AK9: variants seen among roughly 807,000 people sequenced by gnomAD.
AK9 encodes adenylate kinase 9.
In AK9, 191 loss-of-function variants were observed where a neutral mutation model predicts 239.6. That is an observed-to-expected ratio of 0.80 (90% confidence interval 0.71 to 0.90). AK9 has a LOEUF of 0.90. AK9 is among the 40% of genes least tolerant of loss of function. AK9 has a pLI of 0.00. For missense variants in AK9, 1,995 were observed against 2,214.7 expected (o/e 0.90, Z 1.99); for synonymous variants, 689 against 721.0 (o/e 0.96, Z 0.71).
chr6:109,506,535 T>A lies in AK9; in HGVS notation c.4641A>T (p.Pro1547=). 6.3e-7 allele frequency: 1 copy of A among 1,585,528 alleles called. No homozygotes were observed. The highest frequency in any genetic ancestry group is 8.6e-7 in the Non-Finnish European group (1 of 1,163,042). The change falls in exon 35 of 41, where the codon CCA becomes CCT. Residue 1547 remains proline (P), a synonymous_variant. Transcript: ENST00000424296. ...EKENEQRLPY[P]LHNSAQIVAV... is the part of the protein sequence containing the mutation. ...CTACAATTTGTGCACTATTGTGCAA[T>A]GGATAAGGCAATCTAATAGGGAAAC...
rs1321404038 is a variant in AK9 at position 109,515,988 on chromosome 6, G to A, written c.3934C>T (p.Leu1312=). Residue 1312 remains leucine (L), a synonymous_variant, in exon 31 of 41, where the codon CTG becomes TTG. Transcript: ENST00000424296. ...HIVQYTLNMK[L]KPLVENRASI... ...GCACGATTTTCCACCAGTGGTTTCAGTTTCATATTCAATGTATATTGTACA... is the reference window on the plus strand; with the variant it reads ...GCACGATTTTCCACCAGTGGTTTCAATTTCATATTCAATGTATATTGTACA... 1 of 1,551,276 alleles carries A rather than the reference G, an allele frequency of 6.4e-7. No individual in the cohort carries two copies.
At chr6:109,571,828 A>G (rs962058035) in intron 21 of AK9, among the ~76,000 whole-genome samples, 1 of 152,174 alleles carries the variant, frequency 6.6e-6, no homozygotes, top group African/African-American at 2.4e-5. Context: ...CAGGTATGCT[A>G]CTGTGCTTTT....
chr6:109,639,445 G>A (rs1160021554), intron 10 of AK9, among the ~76,000 whole-genome samples: 1 of 152,214 alleles, frequency 6.6e-6, no homozygotes, highest in Non-Finnish European at 1.5e-5. Flanking sequence ...CTGCATAAAT[G>A]TCTTCTTTTG....
intron 7 of AK9, 118 bp from the exon 8 acceptor site, chr6:109,657,002 G>A (rs2128312060): frequency 8.7e-7 from 1 of 1,151,638 alleles, no homozygotes; most frequent in Non-Finnish European, 1.2e-6. Flanking sequence ...AGGGGGAGGG[G>A]ACGATTAAAG....
chr6:109,509,938 C>T (rs529791174), intron 32 of AK9, among the ~76,000 whole-genome samples: 10 of 152,214 alleles, frequency 6.6e-5, no homozygotes, highest in Middle Eastern at 3.4e-3. Flanking sequence ...CCCCTGCAGG[C>T]TCAGGGGTGT....
At chr6:109,514,500 C>G in intron 31 of AK9, 63 bp from the exon 32 acceptor site, 1 of 1,343,962 alleles carries the variant, frequency 7.4e-7, no homozygotes, top group Non-Finnish European at 1.0e-6. Flanking sequence ...TTCCCTGAAA[C>G]ATATTTGAAA....
At chr6:109,552,467 C>T (rs1327557385) in intron 24 of AK9, among the ~76,000 whole-genome samples, 1 of 152,006 alleles carries the variant, frequency 6.6e-6, no homozygotes, top group African/African-American at 2.4e-5. Context: ...TGATGTTGAG[C>T]TTTTTTCATG....
In AK9 at chr6:109,582,186, G is replaced by A. The variant is rs188622194; in HGVS notation, c.2115-2560C>T. On this transcript the variant is annotated intron_variant, in intron 19 of 40. Coordinates refer to ENST00000424296, the MANE Select transcript of AK9 (RefSeq NM_001145128.3). ...AAGGAGAATGAATGTTTTCATGCCT[G>A]CTAATGCAACATCCATAACGCAGCC... Among the ~76,000 whole-genome samples the A allele has an allele frequency of 2.1e-3, 324 of 152,326 alleles. 1 individual carries two copies. Among genetic ancestry groups the A allele is most frequent in the Non-Finnish European group, 3.7e-3 (250 of 68,024 alleles).
Position 109,497,458 on chromosome 6 carries a change from G to T in AK9, c.5315+7C>A. 6.5e-7 allele frequency: 1 copy of T among 1,536,034 alleles called. No individual in the cohort carries two copies. Among genetic ancestry groups the T allele is most frequent in the Non-Finnish European group, 9.0e-7 (1 of 1,111,430 alleles). On this transcript the variant is annotated splice_region_variant and intron_variant, in intron 38 of 40. Transcript: ENST00000424296. ...TTCAGTAAATATTTGTGATTTAATG[G>T]TCTCACCTCAAAAATTTCTGGAGTT...
chr6:109,646,189 C>T (rs1403811103), intron 8 of AK9, among the ~76,000 whole-genome samples: 1 of 152,176 alleles, frequency 6.6e-6, no homozygotes, highest in East Asian at 1.9e-4. Flanking sequence ...CTCTAATCCT[C>T]CAAAGGATTG....
At chr6:109,661,773 C>A (rs1433019834) in intron 6 of AK9, among the ~76,000 whole-genome samples, 1 of 152,134 alleles carries the variant, frequency 6.6e-6, no homozygotes, top group Non-Finnish European at 1.5e-5. Flanking sequence ...TAAACCCTGG[C>A]CGAGTATGGA....
intron 7 of AK9, 147 bp downstream of exon 7, chr6:109,659,081 A>G: frequency 8.9e-7 from 1 of 1,122,718 alleles, no homozygotes; most frequent in South Asian, 2.2e-5. Flanking sequence ...AAAACATGAA[A>G]GATTTTTGCT....
In AK9 at chr6:109,545,926, G is replaced by A. The variant is rs769303709; in HGVS notation, c.3166C>T (p.Leu1056Phe). The A allele has an allele frequency of 6.2e-7, 1 of 1,614,040 alleles. No homozygotes were observed. The highest frequency in any genetic ancestry group is 8.5e-7 in the Non-Finnish European group (1 of 1,179,998). ...TTGGCCTGAATTGCAAGCTCTTCAA[G>A]TTCTTGTTTGGCAGCTTGCTCGTTC... ...SENEQAAKQE[L>F]EELAIQANVK... Residue 1056 changes from leucine to phenylalanine, a missense_variant, in exon 26 of 41, where the codon CTT becomes TTT. By Grantham distance (22) the Leu-to-Phe change is conservative (BLOSUM62 0). Around this residue, in one of 5 missense-constraint regions of AK9, gnomAD observed 1,290 missense variants for 1,392.7 expected, o/e 0.93. Transcript: ENST00000424296.
At chr6:109,511,631 A>T (rs533873090) in intron 32 of AK9, among the ~76,000 whole-genome samples, 1 of 152,262 alleles carries the variant, frequency 6.6e-6, no homozygotes, top group Admixed American at 6.5e-5. Flanking sequence ...TGGAGATAGC[A>T]GTGGGTGGAG....
At chr6:109,688,669 C>T (rs1274898744) in intron 1 of AK9, among the ~76,000 whole-genome samples, 2 of 152,146 alleles carry the variant, frequency 1.3e-5, no homozygotes, top group Non-Finnish European at 2.9e-5. Flanking sequence ...GAAATTTGCA[C>T]CTCACTTCTG....
chr6:109,500,277 A>C (rs1031878700), intron 35 of AK9, among the ~76,000 whole-genome samples: 2 of 152,186 alleles, frequency 1.3e-5, no homozygotes, highest in African/African-American at 4.8e-5. Context: ...AGATTTTAAA[A>C]AGAAAGTGCC....
intron 1 of AK9, among the ~76,000 whole-genome samples, chr6:109,680,663 C>T (rs969600014): frequency 6.6e-6 from 1 of 152,052 alleles, no homozygotes; most frequent in Non-Finnish European, 1.5e-5. Flanking sequence ...TCAGATTCAC[C>T]AAGGTTGAAA....
Position 109,641,500 on chromosome 6 carries a change from C to G in AK9, c.933+18G>C, listed in dbSNP as rs1706621278. ...ATATATTGAAAATTAGACTTTCAGA[C>G]AGTTCCATATAACTTACATTTTCCA... On this transcript the variant is annotated intron_variant, in intron 10 of 40. Transcript: ENST00000424296. The G allele has an allele frequency of 1.3e-6, 2 of 1,591,882 alleles. No homozygotes were observed. Among genetic ancestry groups the G allele is most frequent in the African/African-American group, 1.3e-5 (1 of 74,442 alleles).
At chr6:109,570,182 A>G (rs1466560376) in intron 21 of AK9, among the ~76,000 whole-genome samples, 1 of 152,164 alleles carries the variant, frequency 6.6e-6, no homozygotes, top group African/African-American at 2.4e-5. Context: ...TCACAAGGAT[A>G]GAAAACCAAA....
Sources: gnomAD v4.1 joint callset for allele counts (sites outside exome capture counted in the v4.1 genomes callset) on GRCh38, gnomAD v4.1.1 for gene constraint, gnomAD v4.1.1 regional missense constraint, MANE v1.5 for transcripts, NCBI Gene and HGNC (gene_info 2026-07-23, HGNC 2026-07-21) for gene names.